UNC13C: variants seen among roughly 807,000 people sequenced by gnomAD.
UNC13C encodes unc-13 homolog C.
Under a neutral mutation model 245.4 loss-of-function variants are expected in UNC13C, and 174 were observed. The ratio of observed to expected loss-of-function variants is 0.71; its 90% CI spans 0.63 to 0.80. The LOEUF (loss-of-function observed/expected upper bound fraction) is 0.80. UNC13C is among the 30% of genes least tolerant of loss of function. The probability of loss-of-function intolerance (pLI) is 0.00; values close to 1 mark genes in which losing one functional copy is unlikely to be tolerated. For synonymous variants in UNC13C, 992 were observed against 895.1 expected (o/e 1.11, Z -1.93); for missense variants, 2,829 against 2,602.9 (o/e 1.09, Z -1.89).
At chr15:54,290,492 A>G (rs2037268384) in intron 10 of UNC13C, among the ~76,000 whole-genome samples, 1 of 152,108 alleles carries the variant, frequency 6.6e-6, no homozygotes, top group Non-Finnish European at 1.5e-5. Context: ...AAGGAACATC[A>G]GTGGTCATTT....
chr15:54,114,439 T>G (rs1002806356), intron 2 of UNC13C, among the ~76,000 whole-genome samples: 2 of 152,258 alleles, frequency 1.3e-5, no homozygotes, highest in Admixed American at 1.3e-4. Flanking sequence ...TTTAAATTTT[T>G]TATACAAATG....
intron 4 of UNC13C, among the ~76,000 whole-genome samples, chr15:54,186,365 T>C (rs1717867846): frequency 6.6e-6 from 1 of 152,052 alleles, no homozygotes; most frequent in Admixed American, 6.6e-5. Context: ...AAAGGGAATG[T>C]AGTTTAAATT....
chr15:54,102,761 C>T (rs1486466959), intron 2 of UNC13C, among the ~76,000 whole-genome samples: 2 of 152,162 alleles, frequency 1.3e-5, no homozygotes, highest in Admixed American at 6.5e-5. Context: ...CCATATTTCC[C>T]TGATATGCTC....
intron 17 of UNC13C, among the ~76,000 whole-genome samples, chr15:54,361,120 G>A (rs2039220684): frequency 6.6e-6 from 1 of 151,966 alleles, no homozygotes; most frequent in South Asian, 2.1e-4. Flanking sequence ...TCACTTGATG[G>A]TGGCTCATAA....
intron 17 of UNC13C, among the ~76,000 whole-genome samples, chr15:54,391,850 A>C (rs2039963513): frequency 6.6e-6 from 1 of 152,160 alleles, no homozygotes. Flanking sequence ...TTACACGAGA[A>C]TAATTAAATG....
intron 1 of UNC13C, among the ~76,000 whole-genome samples, chr15:54,008,019 T>C (rs951995333): frequency 6.6e-6 from 1 of 152,234 alleles, no homozygotes; most frequent in African/African-American, 2.4e-5. Context: ...AATACTTTAC[T>C]GCATTTAGTA....
chr15:53,849,508 C>T, the UNC13C span, among the ~76,000 whole-genome samples: 10 of 151,968 alleles, frequency 6.6e-5, no homozygotes, highest in East Asian at 9.6e-4. Flanking sequence ...ACAATATTGC[C>T]GTTAATTTTA....
At chr15:54,070,017 T>C (rs911843142) in intron 2 of UNC13C, among the ~76,000 whole-genome samples, 1 of 152,206 alleles carries the variant, frequency 6.6e-6, no homozygotes, top group Non-Finnish European at 1.5e-5. Flanking sequence ...CCTTAGACAG[T>C]TATGTAATAA....
intron 19 of UNC13C, among the ~76,000 whole-genome samples, chr15:54,473,351 G>C (rs1447327655): frequency 6.6e-6 from 1 of 151,776 alleles, no homozygotes; most frequent in African/African-American, 2.4e-5. Context: ...TCATTTCTTT[G>C]TGTTAGGAAC....
At chr15:54,270,701 A>G (rs917782148) in intron 10 of UNC13C, among the ~76,000 whole-genome samples, 2 of 152,140 alleles carry the variant, frequency 1.3e-5, no homozygotes, top group Non-Finnish European at 2.9e-5. Flanking sequence ...AATAAGAATC[A>G]GAGAACTGAG....
chr15:54,238,449 G>A (rs2035766056), intron 7 of UNC13C, among the ~76,000 whole-genome samples: 1 of 152,054 alleles, frequency 6.6e-6, no homozygotes, highest in Admixed American at 6.6e-5. Context: ...AGTCCCATCT[G>A]TGCCACTTAA....
At chr15:54,036,019 G>T (rs1404461840) in intron 2 of UNC13C, among the ~76,000 whole-genome samples, 3 of 152,146 alleles carry the variant, frequency 2.0e-5, no homozygotes, top group African/African-American at 7.2e-5. Context: ...AAGAATTATT[G>T]TCATTCTAGG....
intron 2 of UNC13C, among the ~76,000 whole-genome samples, chr15:54,098,402 T>G (rs867365988): frequency 5.3e-5 from 8 of 152,240 alleles, no homozygotes; most frequent in Middle Eastern, 3.4e-3. Context: ...CTCAAACTCC[T>G]GACCCCAGGT....
At chr15:54,233,122 G>A (rs2035596621) in intron 4 of UNC13C, among the ~76,000 whole-genome samples, 1 of 152,100 alleles carries the variant, frequency 6.6e-6, no homozygotes, top group African/African-American at 2.4e-5. Context: ...ATTCTTTCTT[G>A]TGATGTACAT....
At chr15:54,494,448 T>C (rs1893861398) in intron 19 of UNC13C, among the ~76,000 whole-genome samples, 160 bp from the exon 20 acceptor site, 1 of 152,064 alleles carries the variant, frequency 6.6e-6, no homozygotes, top group South Asian at 2.1e-4. Context: ...ATTTCTGCAT[T>C]TTATAAAATT....
rs16974451 is a variant in UNC13C at position 54,294,113 on chromosome 15, A to G, written c.3988+49A>G. ...GAAAACGAGTTAAATAAAACCCCTGAATACCTGTGGCATGTATTACATTCC... is the reference window on the plus strand; with the variant it reads ...GAAAACGAGTTAAATAAAACCCCTGGATACCTGTGGCATGTATTACATTCC... On this transcript the variant is annotated intron_variant, in intron 11 of 32. Transcript: ENST00000260323. 0.01 allele frequency: 14,833 copies of G among 1,441,490 alleles called. 1,293 individuals carry two copies. In the African/African-American group the frequency reaches 0.19, roughly 18 times the overall value. The allele number at this position is 1,441,490 out of a possible 1,614,324, so 89.3% of individuals were successfully genotyped here. A position where few individuals can be genotyped will look rare whatever the true frequency, so the allele number is the denominator to read the frequency against.
At chr15:54,455,205 C>CTCTCTCTCTCTCTCTATATA (rs1388065398) in intron 19 of UNC13C, among the ~76,000 whole-genome samples, 3 of 18,964 alleles carry the variant, frequency 1.6e-4, no homozygotes, top group Non-Finnish European at 2.8e-4. Context: ...CTCTCTCTCT[C>CTCTCTCTCTCTCTCTATATA]TATATATATA....
intron 26 of UNC13C, among the ~76,000 whole-genome samples, chr15:54,541,986 G>A (rs897024536): frequency 6.6e-6 from 1 of 151,970 alleles, no homozygotes; most frequent in Non-Finnish European, 1.5e-5. Flanking sequence ...GGTGAAAATC[G>A]TGTGCTTTGG....
At chr15:54,413,943 T>C (rs1039823155) in intron 18 of UNC13C, among the ~76,000 whole-genome samples, 1 of 152,250 alleles carries the variant, frequency 6.6e-6, no homozygotes, top group African/African-American at 2.4e-5. Context: ...CATTCTGGCA[T>C]GGAGTGAGTG....
Sources: gnomAD v4.1 joint callset for allele counts (sites outside exome capture counted in the v4.1 genomes callset) on GRCh38, gnomAD v4.1.1 for gene constraint, MANE v1.5 for transcripts, NCBI Gene and HGNC (gene_info 2026-07-23, HGNC 2026-07-21) for gene names.